JAZF1: variants seen among roughly 807,000 people sequenced by gnomAD.
The protein encoded by JAZF1 is juxtaposed with another zinc finger protein 1.
A neutral mutation model predicts 26.4 loss-of-function variants in JAZF1; 8 were observed. The observed-to-expected ratio is 0.30, with a 90% CI of 0.18 to 0.55. JAZF1 has a LOEUF of 0.55. Among genes scored for constraint, JAZF1 ranks in the 20% least tolerant of loss-of-function variants. The probability of loss-of-function intolerance (pLI) is 0.94; values close to 1 mark genes in which losing one functional copy is unlikely to be tolerated. For synonymous variants in JAZF1, 126 were observed against 122.3 expected (o/e 1.03, Z -0.20); for missense variants, 199 against 322.0 (o/e 0.62, Z 2.92).
At chr7:28,008,102 T>C (rs1782735419) in intron 1 of JAZF1, among the ~76,000 whole-genome samples, 2 of 152,252 alleles carry the variant, frequency 1.3e-5, no homozygotes, top group African/African-American at 4.8e-5. Flanking sequence ...TAACTATTTC[T>C]AGCTTAGAGC....
At chr7:28,176,401 C>CT (rs1486719103) in intron 1 of JAZF1, among the ~76,000 whole-genome samples, 4 of 152,236 alleles carry the variant, frequency 2.6e-5, no homozygotes, top group African/African-American at 9.6e-5. Context: ...GTCCTCATGA[C>CT]TAACTCTCAC....
chr7:28,179,495 G>C (rs997355598), intron 1 of JAZF1, among the ~76,000 whole-genome samples: 1 of 151,950 alleles, frequency 6.6e-6, no homozygotes, highest in East Asian at 1.9e-4. Flanking sequence ...AGCGCACCTC[G>C]GGCCTAGCAC....
At chr7:28,080,944 A>AC (rs201131137) in intron 1 of JAZF1, among the ~76,000 whole-genome samples, 3,666 of 152,160 alleles carry the variant, frequency 0.024, 83 homozygotes, top group South Asian at 0.096. Flanking sequence ...AAAAAAACAA[A>AC]AAAAAAAATG....
chr7:27,974,381 G>A (rs900581903), intron 2 of JAZF1, among the ~76,000 whole-genome samples: 2 of 152,140 alleles, frequency 1.3e-5, no homozygotes, highest in Non-Finnish European at 2.9e-5. Flanking sequence ...ACAAACTAAT[G>A]GGCACAAAGG....
chr7:28,075,854 C>T (rs943413970), intron 1 of JAZF1, among the ~76,000 whole-genome samples: 3 of 152,186 alleles, frequency 2.0e-5, no homozygotes, highest in Non-Finnish European at 4.4e-5. Flanking sequence ...CACTGGTTAT[C>T]TTGACCACAG....
At chr7:28,024,094 T>C (rs1286207644) in intron 1 of JAZF1, among the ~76,000 whole-genome samples, 1 of 151,462 alleles carries the variant, frequency 6.6e-6, no homozygotes, top group Non-Finnish European at 1.5e-5. Context: ...AAGACCAACC[T>C]GGGCAGCATA....
chr7:27,963,676 C>T (rs1785224370), intron 2 of JAZF1, among the ~76,000 whole-genome samples: 1 of 151,430 alleles, frequency 6.6e-6, no homozygotes, highest in Non-Finnish European at 1.5e-5. Flanking sequence ...ATCCTCCTAC[C>T]TCAGCCTCCC....
intron 1 of JAZF1, among the ~76,000 whole-genome samples, chr7:28,044,909 T>C (rs558652052): frequency 1.3e-5 from 2 of 152,280 alleles, no homozygotes; most frequent in African/African-American, 4.8e-5. Flanking sequence ...CTTGGGACTT[T>C]ATTCTCAGCT....
chr7:28,058,590 C>A (rs921221786), intron 1 of JAZF1, among the ~76,000 whole-genome samples: 1 of 152,180 alleles, frequency 6.6e-6, no homozygotes, highest in Non-Finnish European at 1.5e-5. Flanking sequence ...ATGCTTTCAT[C>A]TCATTAATGT....
chr7:28,074,901 A>G (rs1038793240), intron 1 of JAZF1, among the ~76,000 whole-genome samples: 1 of 152,198 alleles, frequency 6.6e-6, no homozygotes, highest in African/African-American at 2.4e-5. Context: ...TAGTCTAAGC[A>G]TTTATAAAAA....
Position 28,092,221 on chromosome 7 carries a change from A to G in JAZF1, c.115+88242T>C, listed in dbSNP as rs372454421. Among the ~76,000 whole-genome samples, 115 of 138,806 alleles carry G rather than the reference A, an allele frequency of 8.3e-4. 5 individuals carry two copies. The South Asian group carries it at 0.027, about 32-fold the overall frequency. The allele number at this position is 138,806 out of a possible 152,430, so 91.1% of individuals were successfully genotyped here. A position where few individuals can be genotyped will look rare whatever the true frequency, so the allele number is the denominator to read the frequency against. ...ATGTTTAAACTATCAACTTCTAATT[A>G]GTTTCAATTTTTTTTTTAACCTGAC... On this transcript the variant is annotated intron_variant, in intron 1 of 4. Coordinates refer to ENST00000283928, the MANE Select transcript of JAZF1 (RefSeq NM_175061.4).
chr7:28,153,373 TATTTAG>T (rs1783137108), intron 1 of JAZF1, among the ~76,000 whole-genome samples: 1 of 152,230 alleles, frequency 6.6e-6, no homozygotes, highest in Non-Finnish European at 1.5e-5. Context: ...CTAAAGTCTA[TATTTAG>T]AATATGATTA....
In JAZF1 at chr7:28,107,467, A is replaced by G. The variant is rs148011810; in HGVS notation, c.115+72996T>C. Among the ~76,000 whole-genome samples the G allele has an allele frequency of 4.5e-3, 678 of 152,248 alleles. 5 individuals are homozygous for G. The highest frequency in any genetic ancestry group is 0.016 in the African/African-American group (648 of 41,534). On this transcript the variant is annotated intron_variant, in intron 1 of 4. Coordinates refer to ENST00000283928, the MANE Select transcript of JAZF1 (RefSeq NM_175061.4). Reference sequence around the variant, plus strand: ...TGTGCTTCTCCCTCCAAATTGATGAAACCTAAACTGGAGATGTGTTTCATG... The same window carrying G: ...TGTGCTTCTCCCTCCAAATTGATGAGACCTAAACTGGAGATGTGTTTCATG...
At chr7:28,054,240 T>C (rs1783661403) in intron 1 of JAZF1, among the ~76,000 whole-genome samples, 1 of 152,214 alleles carries the variant, frequency 6.6e-6, no homozygotes, top group Non-Finnish European at 1.5e-5. Context: ...AGGATGGCTC[T>C]CTTATTTGCT....
At chr7:28,110,025 G>A (rs1417800844) in intron 1 of JAZF1, among the ~76,000 whole-genome samples, 3 of 152,118 alleles carry the variant, frequency 2.0e-5, no homozygotes, top group Non-Finnish European at 4.4e-5. Flanking sequence ...ACAGTTGCAC[G>A]TCACACACAT....
At chr7:27,902,808 A>C (rs1254860756) in intron 2 of JAZF1, among the ~76,000 whole-genome samples, 1 of 152,134 alleles carries the variant, frequency 6.6e-6, no homozygotes, top group Non-Finnish European at 1.5e-5. Flanking sequence ...CAAGGTCAGG[A>C]GATCGAGACC....
chr7:28,071,564 G>GT, intron 1 of JAZF1: 3 of 469,272 alleles, frequency 6.4e-6, no homozygotes, highest in Non-Finnish European at 1.3e-5. Flanking sequence ...TCCCATAAAA[G>GT]TATTTTTAAC....
intron 1 of JAZF1, among the ~76,000 whole-genome samples, chr7:28,163,020 G>A (rs1274202143): frequency 2.6e-5 from 4 of 152,184 alleles, no homozygotes; most frequent in Admixed American, 6.5e-5. Flanking sequence ...TCTTCTGGAG[G>A]CCCACAATTT....
At chr7:28,155,512 A>G (rs1783169356) in intron 1 of JAZF1, among the ~76,000 whole-genome samples, 1 of 152,218 alleles carries the variant, frequency 6.6e-6, no homozygotes, top group Non-Finnish European at 1.5e-5. Flanking sequence ...TTAGTTTTCG[A>G]GGCAAGAGGA....
Sources: gnomAD v4.1 joint callset for allele counts (sites outside exome capture counted in the v4.1 genomes callset) on GRCh38, gnomAD v4.1.1 for gene constraint, MANE v1.5 for transcripts, NCBI Gene and HGNC (gene_info 2026-07-23, HGNC 2026-07-21) for gene names.